Variants in TTN observed in about 807,000 individuals in gnomAD.
TTN encodes the protein titin, also known as connectin.
A neutral mutation model predicts 3,223.0 loss-of-function variants in TTN; 1,525 were observed. The ratio of observed to expected loss-of-function variants is 0.47; its 90% CI spans 0.45 to 0.49. The LOEUF (loss-of-function observed/expected upper bound fraction) is 0.49, where lower values mean the gene tolerates loss of function less well. Ranked by LOEUF, TTN falls within the 20% of genes least tolerant of loss-of-function variation. The probability of loss-of-function intolerance (pLI) is 0.00; values close to 1 mark genes in which losing one functional copy is unlikely to be tolerated. For missense variants in TTN, 40,786 were observed against 43,424.0 expected (o/e 0.94, Z 5.40); for synonymous variants, 14,094 against 15,161.0 (o/e 0.93, Z 5.17).
At chr2:178,660,769 A>G (rs1423792551) in intron 180 of TTN, among the ~76,000 whole-genome samples, 2 of 152,296 alleles carry the variant, frequency 1.3e-5, no homozygotes, top group African/African-American at 4.8e-5. Flanking sequence ...AAATTTTTGC[A>G]ATCTACTCAT....
chr2:178,582,824 T>C (rs2048089788), intron 313 of TTN, 116 bp downstream of exon 313: 2 of 1,026,706 alleles, frequency 1.9e-6, no homozygotes, highest in African/African-American at 3.3e-5. Context: ...AATAATTCTG[T>C]GCATAGGAAA....
intron 140 of TTN, 72 bp downstream of exon 140, chr2:178,679,822 G>A (rs2068930824): frequency 1.3e-6 from 2 of 1,586,808 alleles, no homozygotes; most frequent in South Asian, 2.3e-5. Context: ...ATAACCCCCA[G>A]AATCTGACCA....
chr2:178,729,923 C>A lies in TTN; in HGVS notation c.18330G>T (p.Lys6110Asn), dbSNP rs1350814757. 1 of 1,612,614 alleles carries A rather than the reference C, an allele frequency of 6.2e-7. No homozygotes were observed. The highest frequency in any genetic ancestry group is 1.7e-5 in the Admixed American group (1 of 59,822). Residue 6110 changes from lysine to asparagine, a missense_variant, in exon 63 of 363, where the codon AAG becomes AAT. Lys to Asn is a moderately conservative substitution (Grantham distance 94). Transcript: ENST00000589042. The stretch of plus-strand genomic sequence containing the variant: ...TCCTCAGCACTAAGACTGGACTGGG[C>A]TTCTTAATGAATTGAGGAGGTTCTA... Reference protein sequence around the residue: ...FVKEPPQFIKKPSPVLVLRNG... With the variant: ...FVKEPPQFIKNPSPVLVLRNG...
At chr2:178,538,105 A>G (rs973397892) in intron 354 of TTN, 188 bp from the exon 355 acceptor site, 17 of 601,092 alleles carry the variant, frequency 2.8e-5, no homozygotes, top group African/African-American at 9.3e-5. Context: ...TTCAATGAGC[A>G]CATCGTCACA....
intron 143 of TTN, 92 bp downstream of exon 143, chr2:178,678,655 T>G (rs575431423): frequency 2.3e-4 from 290 of 1,249,654 alleles, no homozygotes; most frequent in Middle Eastern, 9.6e-4. Context: ...CTCTAAAGAG[T>G]TGCATCCCAA....
At position 178,553,300 on chromosome 2, in the gene TTN, G is replaced by A. The variant is rs1163231523; in HGVS notation, c.89600C>T (p.Pro29867Leu). ...VQVLIPFKGR[P>L]PPTVTWRKDE... ...TTTTCTCCATGTGACAGTAGGTGGA[G>A]GTCTGCCTTTAAAGGGAATCAACAC... The change falls in exon 335 of 363, where the codon CCT (proline) becomes CTT (leucine). Residue 29867 changes from proline to leucine, a missense_variant. By Grantham distance (98) the Pro-to-Leu change is moderately conservative. Coordinates refer to ENST00000589042, the MANE Select transcript of TTN (RefSeq NM_001267550.2). 1 of 1,608,256 alleles carries A rather than the reference G, an allele frequency of 6.2e-7. No individual in the cohort carries two copies. Among genetic ancestry groups the A allele is most frequent in the Admixed American group, 1.7e-5 (1 of 60,012 alleles).
At position 178,614,302 on chromosome 2, in the gene TTN, A is replaced by G. The variant is rs1559809053; in HGVS notation, c.49095T>C (p.Asn16365=). 1 of 1,612,686 alleles carries G rather than the reference A, an allele frequency of 6.2e-7. No individual in the cohort carries two copies. The highest frequency in any genetic ancestry group is 2.2e-5 in the East Asian group (1 of 44,666). ...GGTTCCATGTTAGAAGACATGACTC[A>G]TTGGTTACATCTGTGATGTCAAAGG... ...PAAFDITDVT[N]ESCLLTWNPP... Residue 16365 remains asparagine (N), a synonymous_variant, in exon 262 of 363, where the codon AAT becomes AAC. Coordinates refer to ENST00000589042, the MANE Select transcript of TTN (RefSeq NM_001267550.2).
intron 37 of TTN, 60 bp downstream of exon 37, chr2:178,769,619 T>G: frequency 7.6e-7 from 1 of 1,322,522 alleles, no homozygotes; most frequent in Non-Finnish European, 1.0e-6. Flanking sequence ...TCAATGAATC[T>G]ACTGAATATT....
At position 178,585,187 on chromosome 2, in the gene TTN, G is replaced by C. The variant is rs1336928920; in HGVS notation, c.64557C>G (p.Asp21519Glu). The part of the protein sequence containing the change: ...TSSHLAVHKA[D>E]SSSILIIKDV... ...CTTTTATGATCAGAATTGAAGAGCT[G>C]TCTGCTTTATGCACTGCCAGGTGGC... Residue 21519 changes from aspartate to glutamate, a missense_variant, in exon 309 of 363, where the codon GAC becomes GAG. Asp to Glu is a conservative substitution (Grantham distance 45). Coordinates refer to ENST00000589042, the MANE Select transcript of TTN (RefSeq NM_001267550.2). The C allele has an allele frequency of 6.2e-7, 1 of 1,613,348 alleles. No individual in the cohort carries two copies. Among genetic ancestry groups the C allele is most frequent in the Non-Finnish European group, 8.5e-7 (1 of 1,179,472 alleles).
At chr2:178,615,196 G>A (rs1279333876) in intron 259 of TTN, 111 bp downstream of exon 259, 10 of 1,310,860 alleles carry the variant, frequency 7.6e-6, no homozygotes, top group African/African-American at 1.5e-5. Flanking sequence ...CAGATACACC[G>A]GCAGCATAGG....
chr2:178,622,834 A>T lies in TTN; in HGVS notation c.44816-67T>A. On this transcript the variant is annotated intron_variant, in intron 242 of 362. Coordinates refer to ENST00000589042, the MANE Select transcript of TTN (RefSeq NM_001267550.2). The stretch of plus-strand genomic sequence containing the variant: ...AAATTTACTCTGACATTACCATAGT[A>T]TACATTAAGAAAAAGTGACTCTTTT... The T allele has an allele frequency of 2.5e-6, 3 of 1,191,858 alleles. No individual in the cohort carries two copies. In the South Asian group the frequency reaches 4.3e-5, roughly 17 times the overall value. 73.8% of individuals were successfully genotyped at this position (1,191,858 alleles called of 1,614,324 possible). A position where few individuals can be genotyped will look rare whatever the true frequency, so the allele number is the denominator to read the frequency against.
intron 43 of TTN, among the ~76,000 whole-genome samples, chr2:178,763,595 G>A (rs2089760576): frequency 1.3e-5 from 2 of 152,082 alleles, no homozygotes. Flanking sequence ...TATTTTCTAG[G>A]ATTGAATGCA....
At chr2:178,541,100 T>C (rs779445507) in intron 350 of TTN, 182 bp downstream of exon 350, 3 of 508,760 alleles carry the variant, frequency 5.9e-6, no homozygotes, top group South Asian at 7.2e-5. Context: ...GGGAAGGGAC[T>C]GATTACAAAC....
Position 178,767,781 on chromosome 2 carries a change from C to A in TTN, c.9449G>T (p.Arg3150Leu). ...TACCTGAACCTCCTTTTTAATACTT[C>A]GGATGCGAACATCTCTGCCTTCTAC... ...LFVEGRDVRI[R>L]SIKKEVQVIE... The change falls in exon 40 of 363, where the codon CGA becomes CTA. Residue 3150 changes from arginine to leucine, a missense_variant. Physicochemically the swap from Arg to Leu is moderately radical, Grantham distance 102. Coordinates refer to ENST00000589042, the MANE Select transcript of TTN (RefSeq NM_001267550.2). 6.2e-7 allele frequency: 1 copy of A among 1,614,118 alleles called. No individual in the cohort carries two copies. Among genetic ancestry groups the A allele is most frequent in the Non-Finnish European group, 8.5e-7 (1 of 1,179,998 alleles).
rs950128827 is a variant in TTN, at chr2:178,607,061, A to G, written c.53541T>C (p.Pro17847=). The part of the protein sequence containing the change: ...VIAKNKFGCG[P]PVEIGPILAV... ...CAAGAATTGGTCCTATTTCAACAGG[A>G]GGGCCACAGCCAAACTTGTTCTTGG... The change falls in exon 278 of 363, where the codon CCT becomes CCC. Residue 17847 remains proline (P), a synonymous_variant. Transcript: ENST00000589042. The G allele has an allele frequency of 3.7e-6, 6 of 1,611,764 alleles. No individual in the cohort carries two copies. The African/African-American group carries it at 8.0e-5, about 22-fold the overall frequency.
At position 178,549,288 on chromosome 2, in the gene TTN, A is replaced by G. The variant is rs1698389479; in HGVS notation, c.92338T>C (p.Phe30780Leu). The G allele has an allele frequency of 6.2e-7, 1 of 1,613,926 alleles. No homozygotes were observed. The highest frequency in any genetic ancestry group is 2.2e-5 in the East Asian group (1 of 44,866). Residue 30780 changes from phenylalanine (F) to leucine (L), a missense_variant, in exon 339 of 363, where the codon TTC becomes CTC. Coordinates refer to ENST00000589042, the MANE Select transcript of TTN (RefSeq NM_001267550.2). ...CCTTCTGTCAGACCAGTGACTTTGA[A>G]TCTTGTTTCAGAGATTGGTCGTTTG... ...ISKRPISETR[F>L]KVTGLTEGNE...
intron 121 of TTN, 37 bp from the exon 122 acceptor site, chr2:178,689,933 A>G (rs761596181): frequency 1.3e-6 from 2 of 1,552,744 alleles, no homozygotes; most frequent in South Asian, 2.3e-5. Context: ...GTTCAGACAT[A>G]TATCACTTTT....
At chr2:178,707,995 T>A (rs1272743100) in intron 99 of TTN, among the ~76,000 whole-genome samples, 182 bp from the exon 100 acceptor site, 3 of 152,200 alleles carry the variant, frequency 2.0e-5, no homozygotes, top group African/African-American at 7.2e-5. Context: ...TTGGATTTTT[T>A]AAAAAGATAA....
At chr2:178,701,022 T>C in intron 111 of TTN, 98 bp downstream of exon 111, 3 of 1,035,546 alleles carry the variant, frequency 2.9e-6, no homozygotes, top group Non-Finnish European at 4.2e-6. Context: ...ATTCCACCTC[T>C]TGACCACTAG....
Sources: allele counts gnomAD v4.1 joint callset (sites outside exome capture counted in the v4.1 genomes callset), GRCh38; gene constraint gnomAD v4.1.1; transcripts MANE v1.5; gene names NCBI Gene and HGNC (gene_info 2026-07-23, HGNC 2026-07-21).